The following TMEM74 variants were observed in gnomAD, a reference collection of about 807,000 sequenced individuals.
The protein encoded by TMEM74 is transmembrane protein 74.
TMEM74 carries 13 observed loss-of-function variants against 18.1 expected under a neutral mutation model. The observed-to-expected ratio is 0.72, with a 90% confidence interval of 0.47 to 1.14. The LOEUF is 1.14. Ranked by LOEUF, TMEM74 falls within the 50% of genes most tolerant of loss-of-function variation. The pLI, the probability that TMEM74 is intolerant of heterozygous loss-of-function variation, is 0.00. For synonymous variants in TMEM74, 159 were observed against 146.6 expected (o/e 1.08, Z -0.61); for missense variants, 372 against 375.9 (o/e 0.99, Z 0.09).
chr8:108,689,768 G>A (rs1586262057), intron 1 of TMEM74, among the ~76,000 whole-genome samples: 1 of 152,290 alleles, frequency 6.6e-6, no homozygotes. Flanking sequence ...ACCTAATGAA[G>A]TCAGATCAGC....
chr8:108,784,394 C>A lies in TMEM74; in HGVS notation c.705G>T (p.Gly235=), dbSNP rs767768892. Residue 235 remains glycine, a synonymous_variant, in exon 2 of 2, where the codon GGG becomes GGT. Transcript: ENST00000297459. The part of the protein sequence containing the change: ...GAHLDRCVIA[G]LCLLTLGGVI... Reference sequence around the variant, plus strand: ...CGCCCCCCAGCGTGAGGAGGCAGAGCCCCGCAATCACACAGCGGTCCAGGT... The same window carrying A: ...CGCCCCCCAGCGTGAGGAGGCAGAGACCCGCAATCACACAGCGGTCCAGGT... 1.2e-6 allele frequency: 2 copies of A among 1,614,090 alleles called. No individual in the cohort carries two copies. The highest frequency in any genetic ancestry group is 3.3e-5 in the Admixed American group (2 of 60,004).
chr8:108,674,759 G>T (rs1813036902), intron 1 of TMEM74, among the ~76,000 whole-genome samples: 2 of 152,162 alleles, frequency 1.3e-5, no homozygotes, highest in African/African-American at 4.8e-5. Flanking sequence ...CTCCAGAATG[G>T]CACCACTCAC....
chr8:108,708,511 C>T (rs1339886109), intron 1 of TMEM74, among the ~76,000 whole-genome samples: 1 of 152,082 alleles, frequency 6.6e-6, no homozygotes, highest in Non-Finnish European at 1.5e-5. Flanking sequence ...CTTTTCTCCG[C>T]AGCCTCACCA....
intron 1 of TMEM74, 95 bp from the exon 2 acceptor site, chr8:108,785,232 T>C (rs1814370217): frequency 2.2e-6 from 2 of 901,004 alleles, no homozygotes; most frequent in African/African-American, 3.4e-5. Context: ...CCTTCACAGC[T>C]GCACCTGTTT....
At chr8:108,718,358 G>A (rs1813550606) in intron 1 of TMEM74, among the ~76,000 whole-genome samples, 1 of 152,118 alleles carries the variant, frequency 6.6e-6, no homozygotes, top group Admixed American at 6.5e-5. Context: ...ATAGTATATT[G>A]ATACAGCATA....
intron 1 of TMEM74, among the ~76,000 whole-genome samples, chr8:108,689,422 G>A (rs976644761): frequency 2.0e-5 from 3 of 152,282 alleles, no homozygotes; most frequent in East Asian, 1.9e-4. Flanking sequence ...ATGCTGTCAA[G>A]TATGGTAAGA....
At chr8:108,655,029 T>A (rs537242717) in intron 2 of TMEM74, among the ~76,000 whole-genome samples, 35 of 152,312 alleles carry the variant, frequency 2.3e-4, no homozygotes, top group Non-Finnish European at 4.7e-4. Context: ...GTCATTTTTT[T>A]ATGAAAGAAC....
chr8:108,612,666 T>A (rs1174922054), intron 2 of TMEM74, among the ~76,000 whole-genome samples: 1 of 152,196 alleles, frequency 6.6e-6, no homozygotes, highest in Non-Finnish European at 1.5e-5. Context: ...ATGCATTTAG[T>A]ATAAAATAGG....
At chr8:108,681,836 A>T (rs1813118267) in intron 1 of TMEM74, among the ~76,000 whole-genome samples, 1 of 152,178 alleles carries the variant, frequency 6.6e-6, no homozygotes, top group South Asian at 2.1e-4. Context: ...TGTGTATTTT[A>T]TTAAAATAAA....
At chr8:108,737,456 C>T (rs888737145) in intron 1 of TMEM74, among the ~76,000 whole-genome samples, 3 of 152,112 alleles carry the variant, frequency 2.0e-5, no homozygotes, top group African/African-American at 7.2e-5. Flanking sequence ...GGATCTGGTT[C>T]ATGCATTATT....
chr8:108,609,485 T>G (rs1812312404), intron 2 of TMEM74, among the ~76,000 whole-genome samples: 1 of 152,050 alleles, frequency 6.6e-6, no homozygotes, highest in African/African-American at 2.4e-5. Flanking sequence ...CCATTTCTAC[T>G]AAAAATATAA....
chr8:108,756,586 AAGAAAGAAAG>A (rs1325053371), intron 1 of TMEM74, among the ~76,000 whole-genome samples: 1 of 112,570 alleles, frequency 8.9e-6, no homozygotes, highest in African/African-American at 4.1e-5. Context: ...GAAAGAAAGA[AAGAAAGAAAG>A]AGAAAGGAAG....
intron 2 of TMEM74, among the ~76,000 whole-genome samples, chr8:108,638,029 C>A (rs1812624626): frequency 6.6e-6 from 1 of 152,090 alleles, no homozygotes; most frequent in African/African-American, 2.4e-5. Flanking sequence ...TTTGCAGACA[C>A]ATTCAGCTAA....
At chr8:108,706,451 T>C (rs534467627) in intron 1 of TMEM74, among the ~76,000 whole-genome samples, 1 of 152,292 alleles carries the variant, frequency 6.6e-6, no homozygotes, top group South Asian at 2.1e-4. Flanking sequence ...TCTACACAAA[T>C]AGCTCATCAC....
At chr8:108,759,795 T>C (rs1814020337) in intron 1 of TMEM74, among the ~76,000 whole-genome samples, 1 of 152,160 alleles carries the variant, frequency 6.6e-6, no homozygotes, top group Admixed American at 6.6e-5. Flanking sequence ...TTAAATTTCA[T>C]GGTATATGCT....
chr8:108,687,377 A>G (rs1432353061), intron 1 of TMEM74, among the ~76,000 whole-genome samples: 2 of 151,964 alleles, frequency 1.3e-5, no homozygotes, highest in Non-Finnish European at 2.9e-5. Flanking sequence ...TTTGCGGCAA[A>G]CACAACAGAA....
chr8:108,764,665 T>C (rs1258977367), intron 1 of TMEM74, among the ~76,000 whole-genome samples: 1 of 152,086 alleles, frequency 6.6e-6, no homozygotes, highest in Non-Finnish European at 1.5e-5. Context: ...CGGTTGTGCA[T>C]TAGGCTCAGC....
intron 1 of TMEM74, among the ~76,000 whole-genome samples, chr8:108,697,119 A>G (rs762653012): frequency 7.2e-5 from 11 of 152,130 alleles, no homozygotes; most frequent in Non-Finnish European, 5.9e-5. Flanking sequence ...GGGAAAGGAG[A>G]CCAGGCCACG....
At chr8:108,756,596 G>GAA (rs1349956983) in intron 1 of TMEM74, among the ~76,000 whole-genome samples, 2,998 of 52,560 alleles carry the variant, frequency 0.057, 195 homozygotes, top group East Asian at 0.083. Context: ...AAGAAAGAAA[G>GAA]AGAAAGGAAG....
Sources: gnomAD v4.1 joint callset for allele counts (sites outside exome capture counted in the v4.1 genomes callset) on GRCh38, gnomAD v4.1.1 for gene constraint, MANE v1.5 for transcripts, NCBI Gene and HGNC (gene_info 2026-07-23, HGNC 2026-07-21) for gene names.